The following CNTNAP2 variants were observed in gnomAD, a reference collection of about 807,000 sequenced individuals.
The protein encoded by CNTNAP2 is contactin associated protein 2.
CNTNAP2 carries 98 observed loss-of-function variants against 155.2 expected under a neutral mutation model. The observed-to-expected ratio is 0.63, with a 90% confidence interval of 0.54 to 0.75. The LOEUF is 0.75. Ranked by LOEUF, CNTNAP2 falls within the 30% of genes least tolerant of loss-of-function variation. The pLI is 0.00. For synonymous variants in CNTNAP2, 651 were observed against 631.2 expected (o/e 1.03, Z -0.47); for missense variants, 1,727 against 1,688.1 (o/e 1.02, Z -0.40).
intron 18 of CNTNAP2, among the ~76,000 whole-genome samples, chr7:148,174,202 A>G (rs1329307777): frequency 1.3e-5 from 2 of 152,250 alleles, no homozygotes; most frequent in African/African-American, 4.8e-5. Context: ...ACATATTTGG[A>G]AATCATTTAT....
At chr7:148,385,843 T>G (rs1799181986) in intron 22 of CNTNAP2, among the ~76,000 whole-genome samples, 1 of 150,958 alleles carries the variant, frequency 6.6e-6, no homozygotes, top group Non-Finnish European at 1.5e-5. Flanking sequence ...GTTTAAGCGA[T>G]TCTCCTGCCT....
At chr7:146,173,368 T>A (rs58824100) in intron 1 of CNTNAP2, among the ~76,000 whole-genome samples, 1 of 152,174 alleles carries the variant, frequency 6.6e-6, no homozygotes, top group Non-Finnish European at 1.5e-5. Flanking sequence ...ATAATTGAAT[T>A]TTCCAGTTTG....
At chr7:147,485,602 CT>C (rs1179293170) in intron 10 of CNTNAP2, among the ~76,000 whole-genome samples, 1 of 152,134 alleles carries the variant, frequency 6.6e-6, no homozygotes, top group Non-Finnish European at 1.5e-5. Flanking sequence ...TATCTTCGAT[CT>C]TTCACCAGGA....
chr7:147,091,569 A>G (rs993620124), intron 4 of CNTNAP2, among the ~76,000 whole-genome samples: 1 of 151,470 alleles, frequency 6.6e-6, no homozygotes, highest in Non-Finnish European at 1.5e-5. Context: ...CTCTTGCCTC[A>G]GCTTCCCTAG....
chr7:147,103,739 A>G (rs955491141), intron 4 of CNTNAP2, among the ~76,000 whole-genome samples: 1 of 151,774 alleles, frequency 6.6e-6, no homozygotes, highest in Non-Finnish European at 1.5e-5. Context: ...TTGAATTATT[A>G]TATAATTGAA....
intron 1 of CNTNAP2, among the ~76,000 whole-genome samples, chr7:146,585,041 T>TG (rs1192288051): frequency 1.3e-5 from 2 of 152,208 alleles, no homozygotes; most frequent in Non-Finnish European, 2.9e-5. Flanking sequence ...ATTCAGTTCA[T>TG]GCGTTGAATC....
intron 15 of CNTNAP2, among the ~76,000 whole-genome samples, chr7:148,081,773 G>T (rs1018692795): frequency 3.3e-5 from 5 of 152,072 alleles, no homozygotes; most frequent in Admixed American, 6.5e-5. Flanking sequence ...GGAAACTGAG[G>T]CCTGAGGGGG....
chr7:147,321,242 T>C (rs1795345844), intron 9 of CNTNAP2, among the ~76,000 whole-genome samples: 2 of 152,042 alleles, frequency 1.3e-5, no homozygotes, highest in African/African-American at 2.4e-5. Context: ...AATAAACCTT[T>C]AGTGGACGAT....
chr7:147,308,592 T>C (rs777063164), intron 9 of CNTNAP2, among the ~76,000 whole-genome samples: 1 of 152,192 alleles, frequency 6.6e-6, no homozygotes, highest in African/African-American at 2.4e-5. Flanking sequence ...CTTTCCACTG[T>C]TTTACACTTT....
chr7:148,292,607 G>A lies in CNTNAP2; in HGVS notation c.3475+25481G>A, dbSNP rs189823983. Among the ~76,000 whole-genome samples, 17 of 152,304 alleles carry A rather than the reference G, an allele frequency of 1.1e-4. No individual in the cohort carries two copies. The East Asian group carries it at 3.1e-3, about 28-fold the overall frequency. On this transcript the variant is annotated intron_variant, in intron 21 of 23. Transcript: ENST00000361727. ...TTAAGCCTGGGGAAGGGAAAAGACA[G>A]TAGTTAGCAAGCTCAGGTTAGCCAC...
chr7:146,666,274 T>A (rs1293606471), intron 1 of CNTNAP2, among the ~76,000 whole-genome samples: 2 of 152,176 alleles, frequency 1.3e-5, no homozygotes, highest in East Asian at 3.9e-4. Context: ...CTGGCTTATG[T>A]CACTTAACAT....
intron 1 of CNTNAP2, among the ~76,000 whole-genome samples, chr7:146,451,686 A>G (rs1353489484): frequency 6.6e-6 from 1 of 151,760 alleles, no homozygotes; most frequent in Non-Finnish European, 1.5e-5. Flanking sequence ...ACCTCACAAT[A>G]TTCTACTGGA....
chr7:148,328,424 A>T (rs1159196406), intron 21 of CNTNAP2, among the ~76,000 whole-genome samples: 1 of 152,146 alleles, frequency 6.6e-6, no homozygotes, highest in East Asian at 1.9e-4. Context: ...GCTTCCTGGA[A>T]TGTCTGCTGC....
intron 3 of CNTNAP2, among the ~76,000 whole-genome samples, chr7:146,866,122 T>C (rs1460959952): frequency 6.6e-6 from 1 of 152,122 alleles, no homozygotes; most frequent in Non-Finnish European, 1.5e-5. Flanking sequence ...CATTCCAATG[T>C]TCCCCCCGAC....
chr7:146,132,199 T>C (rs1041858300), intron 1 of CNTNAP2, among the ~76,000 whole-genome samples: 1 of 152,144 alleles, frequency 6.6e-6, no homozygotes, highest in Non-Finnish European at 1.5e-5. Context: ...ACTTAGAACA[T>C]AGGCCAATAA....
intron 13 of CNTNAP2, among the ~76,000 whole-genome samples, chr7:147,659,985 T>C (rs10250323): frequency 0.057 from 8,632 of 152,296 alleles, 827 homozygotes; most frequent in African/African-American, 0.2. Context: ...AAAGCCCACC[T>C]GGATGTCCTC....
In CNTNAP2 at chr7:147,972,933, G is replaced by A. The variant is rs576940506; in HGVS notation, c.2256-4929G>A. On this transcript the variant is annotated intron_variant, in intron 14 of 23. Transcript: ENST00000361727. ...GAGGCTAGGCACAGTGGTTCACACC[G>A]TGAAGCCAGGAGTTTGGGACCACTC... 5.9e-5 allele frequency among the ~76,000 whole-genome samples: 9 copies of A among 152,080 alleles called. No homozygotes were observed. The South Asian group carries it at 1.0e-3, about 18-fold the overall frequency.
intron 1 of CNTNAP2, among the ~76,000 whole-genome samples, chr7:146,337,748 A>G (rs773908916): frequency 1.3e-5 from 2 of 152,160 alleles, no homozygotes; most frequent in South Asian, 2.1e-4. Flanking sequence ...CTGGGATTAC[A>G]GGTGTTAGCC....
chr7:146,870,430 C>T (rs981030853), intron 3 of CNTNAP2, among the ~76,000 whole-genome samples: 1 of 152,176 alleles, frequency 6.6e-6, no homozygotes, highest in Non-Finnish European at 1.5e-5. Flanking sequence ...TAGTAACATT[C>T]CCTTTGTCAT....
Sources: gnomAD v4.1 joint callset for allele counts (sites outside exome capture counted in the v4.1 genomes callset) on GRCh38, gnomAD v4.1.1 for gene constraint, MANE v1.5 for transcripts, NCBI Gene and HGNC (gene_info 2026-07-23, HGNC 2026-07-21) for gene names.